The following BTD variants were observed in gnomAD, a reference collection of about 807,000 sequenced individuals.
The protein encoded by BTD is biocytinase.
A neutral mutation model predicts 17.7 loss-of-function variants in BTD; 13 were observed. The observed-to-expected ratio is 0.74, with a 90% CI of 0.48 to 1.17. The LOEUF (loss-of-function observed/expected upper bound fraction) is 1.17. BTD is among the 50% of genes most tolerant of loss of function. The pLI, the probability that BTD is intolerant of heterozygous loss-of-function variation, is 0.00. For synonymous variants in BTD, 240 were observed against 245.2 expected (o/e 0.98, Z 0.20); for missense variants, 674 against 650.4 (o/e 1.04, Z -0.39).
chr3:15,636,294 G>A (rs1236520172), intron 2 of BTD, among the ~76,000 whole-genome samples: 1 of 152,088 alleles, frequency 6.6e-6, no homozygotes, highest in Non-Finnish European at 1.5e-5. Flanking sequence ...TCTCTATGTC[G>A]GACTACGATC....
At chr3:15,686,373 TA>T in intron 3 of BTD, 2 of 1,266,200 alleles carry the variant, frequency 1.6e-6, no homozygotes, top group South Asian at 2.6e-5. Flanking sequence ...AATGTCCATC[TA>T]AAAGCACATC....
intron 3 of BTD, among the ~76,000 whole-genome samples, chr3:15,642,673 A>T (rs2065553027): frequency 6.6e-6 from 1 of 152,062 alleles, no homozygotes; most frequent in Admixed American, 6.5e-5. Context: ...CATGTTAGCC[A>T]GGATGGTCTC....
Position 15,647,703 on chromosome 3 carries a change from A to C in BTD, c.*2215A>C, listed in dbSNP as rs901922707. On this transcript the variant is annotated 3_prime_UTR_variant, in exon 4 of 4. Transcript: ENST00000643237. ...TTGTGATCCTGAAACTCAGGAAGCA[A>C]ATGGCAATCTTGACCACAACATGGA... The C allele has an allele frequency of 2.6e-5, 4 of 152,202 alleles. No homozygotes were observed. The highest frequency in any genetic ancestry group is 5.9e-5 in the Non-Finnish European group (4 of 68,042). The allele number at this position is 152,202 out of a possible 1,614,324, so 9.4% of individuals were successfully genotyped here. A position where few individuals can be genotyped will look rare whatever the true frequency, so the allele number is the denominator to read the frequency against.
chr3:15,706,654 T>A (rs6808843), intron 3 of BTD, among the ~76,000 whole-genome samples: 2 of 151,984 alleles, frequency 1.3e-5, no homozygotes, highest in South Asian at 2.1e-4. Context: ...AGATCCTTGA[T>A]GAATCGCCAC....
At chr3:15,656,721 A>T (rs115541968), downstream of BTD, among the ~76,000 whole-genome samples, 2,828 of 152,094 alleles carry the variant, frequency 0.019, 50 homozygotes, top group South Asian at 0.069. Context: ...GAGGCTAGCC[A>T]CCCCCTCCCA....
intron 1 of BTD, among the ~76,000 whole-genome samples, chr3:15,613,161 T>C (rs1014310929): frequency 6.6e-6 from 1 of 152,292 alleles, no homozygotes; most frequent in African/African-American, 2.4e-5. Flanking sequence ...AGTAACAGAG[T>C]ACAATTTCCA....
intron 3 of BTD, chr3:15,669,145 T>A (rs1183730896): frequency 6.6e-6 from 1 of 152,234 alleles, no homozygotes; most frequent in Non-Finnish European, 1.5e-5. Context: ...ATTTTAAATC[T>A]TGCCCAATAC....
intron 3 of BTD, among the ~76,000 whole-genome samples, chr3:15,664,317 G>A (rs1175595459): frequency 6.6e-6 from 1 of 152,180 alleles, no homozygotes. Flanking sequence ...TAAGTGCATT[G>A]GTCAAATAAT....
At chr3:15,603,651 C>T (rs571799350) in intron 1 of BTD, among the ~76,000 whole-genome samples, 11 of 151,504 alleles carry the variant, frequency 7.3e-5, no homozygotes, top group African/African-American at 1.9e-4. Flanking sequence ...ATCGAGACTC[C>T]GTCTCAAAAA....
chr3:15,659,790 C>A (rs2065904762), intron 3 of BTD, among the ~76,000 whole-genome samples: 1 of 152,190 alleles, frequency 6.6e-6, no homozygotes, highest in Admixed American at 6.5e-5. Context: ...TATATGCAGT[C>A]TTCCCTTCAA....
chr3:15,601,480 C>CT, upstream of BTD: 1 of 1,612,060 alleles, frequency 6.2e-7, no homozygotes, highest in Non-Finnish European at 8.5e-7. Flanking sequence ...CCGAAAAGCT[C>CT]TAAGCACTCA....
chr3:15,605,107 A>G (rs1367321127), intron 1 of BTD, among the ~76,000 whole-genome samples: 2 of 152,190 alleles, frequency 1.3e-5, no homozygotes, highest in Non-Finnish European at 2.9e-5. Context: ...CACTCTCTGC[A>G]TTACCAATTT....
intron 3 of BTD, among the ~76,000 whole-genome samples, chr3:15,693,494 G>A (rs1247474128): frequency 5.3e-5 from 8 of 152,174 alleles, no homozygotes; most frequent in Admixed American, 2.6e-4. Flanking sequence ...CCTAAAGACT[G>A]CAGGGCTTTT....
Position 15,635,287 on chromosome 3 carries a change from A to G in BTD, c.-16-137A>G. 2 of 1,336,012 alleles carry G rather than the reference A, an allele frequency of 1.5e-6. No homozygotes were observed. Among genetic ancestry groups the G allele is most frequent in the Non-Finnish European group, 2.1e-6 (2 of 941,508 alleles). 82.8% of individuals were successfully genotyped at this position (1,336,012 alleles called of 1,614,324 possible). A position where few individuals can be genotyped will look rare whatever the true frequency, so the allele number is the denominator to read the frequency against. On this transcript the variant is annotated intron_variant, in intron 1 of 3. Coordinates refer to ENST00000643237, the MANE Select transcript of BTD (RefSeq NM_001370658.1). The surrounding 1 kb of genome is among the most constrained non-coding windows in gnomAD (Gnocchi z 4.1). ...AAACACATACTCTTTTATTAGGAAC[A>G]TGAAACAAACTCTTTGAGCCGCAGT...
In BTD at chr3:15,651,205, T is replaced by C. The variant is rs1022622027; in HGVS notation, c.*5717T>C. Reference sequence around the variant, plus strand: ...TCCCAGGGGAACACTGGGACAGCGTTACCAGGGGAAGGGGAGTGGGATATA... The same window carrying C: ...TCCCAGGGGAACACTGGGACAGCGTCACCAGGGGAAGGGGAGTGGGATATA... On this transcript the variant is annotated 3_prime_UTR_variant, in exon 4 of 4. Coordinates refer to ENST00000643237, the MANE Select transcript of BTD (RefSeq NM_001370658.1). Among the ~76,000 whole-genome samples, 37 of 152,314 alleles carry C rather than the reference T, an allele frequency of 2.4e-4. 5 individuals are homozygous for C. Among genetic ancestry groups the C allele is most frequent in the African/African-American group, 4.8e-4 (20 of 41,568 alleles).
downstream of BTD, among the ~76,000 whole-genome samples, chr3:15,714,386 A>G (rs903648432): frequency 2.0e-5 from 3 of 152,134 alleles, no homozygotes; most frequent in Non-Finnish European, 4.4e-5. Context: ...ATAAAAAACA[A>G]AAGTATGAAA....
chr3:15,682,037 A>G (rs1189116640), intron 3 of BTD, among the ~76,000 whole-genome samples: 1 of 152,122 alleles, frequency 6.6e-6, no homozygotes, highest in Non-Finnish European at 1.5e-5. Flanking sequence ...TTCTCCAGGT[A>G]TATGGGTTCT....
At chr3:15,615,309 C>T (rs1229748125) in intron 1 of BTD, among the ~76,000 whole-genome samples, 2 of 152,218 alleles carry the variant, frequency 1.3e-5, no homozygotes, top group Admixed American at 6.5e-5. Flanking sequence ...TCAAGGAGTA[C>T]TATTTTCCCC....
chr3:15,685,971 T>C, intron 3 of BTD: 1 of 1,575,778 alleles, frequency 6.3e-7, no homozygotes, highest in Non-Finnish European at 8.7e-7. Context: ...CATAAAAGCT[T>C]TTTGAAAGGA....
Sources: gnomAD v4.1 joint callset for allele counts (sites outside exome capture counted in the v4.1 genomes callset) on GRCh38, gnomAD v4.1.1 for gene constraint, Gnocchi (gnomAD v3.1) non-coding constraint, MANE v1.5 for transcripts, NCBI Gene and HGNC (gene_info 2026-07-23, HGNC 2026-07-21) for gene names.